CLK4: variants seen among roughly 807,000 people sequenced by gnomAD.
CLK4 encodes CDC like kinase 4.
Under a neutral mutation model 64.4 loss-of-function variants are expected in CLK4, and 37 were observed. The ratio of observed to expected loss-of-function variants is 0.57; its 90% CI spans 0.44 to 0.76. The LOEUF is 0.76. Ranked by LOEUF, CLK4 falls within the 30% of genes least tolerant of loss-of-function variation. CLK4 has a pLI of 0.00. For synonymous variants in CLK4, 175 were observed against 191.6 expected, an observed-to-expected ratio of 0.91 and a Z score of 0.72; for missense variants, 457 against 605.1, an observed-to-expected ratio of 0.76 and a Z score of 2.57.
intron 1 of CLK4, among the ~76,000 whole-genome samples, chr5:178,625,116 A>C (rs1429805711): frequency 1.3e-5 from 2 of 152,212 alleles, no homozygotes; most frequent in Non-Finnish European, 2.9e-5. Context: ...ACGTGACATG[A>C]ATAACAGCAC....
chr5:178,608,414 T>A lies in CLK4; in HGVS notation c.1096A>T (p.Ile366Phe), dbSNP rs755544143. ...AAACCAAGGTAATATTCAATAAGAA[T>A]GCAACCTATGCTCCAAACATCACAA... ...QPCDVWSIGC[I>F]LIEYYLGFTV... Residue 366 changes from isoleucine to phenylalanine, a missense_variant, in exon 10 of 13, where the codon ATT becomes TTT. By Grantham distance (21) the Ile-to-Phe change is conservative. Transcript: ENST00000316308. 6.2e-7 allele frequency: 1 copy of A among 1,610,936 alleles called. No homozygotes were observed. Among genetic ancestry groups the A allele is most frequent in the South Asian group, 1.1e-5 (1 of 90,226 alleles).
chr5:178,608,429 A>C lies in CLK4; in HGVS notation c.1081T>G (p.Trp361Gly), dbSNP rs1487846607. 6.2e-7 allele frequency: 1 copy of C among 1,610,892 alleles called. No homozygotes were observed. The highest frequency in any genetic ancestry group is 1.7e-5 in the Admixed American group (1 of 59,170). Residue 361 changes from tryptophan to glycine, a missense_variant, in exon 10 of 13, where the codon TGG becomes GGG. Transcript: ENST00000316308. ...TCAATAAGAATGCAACCTATGCTCC[A>C]AACATCACAAGGCTGAGACCAACCT... The part of the protein sequence containing the change: ...ALGWSQPCDV[W>G]SIGCILIEYY...
chr5:178,618,531 A>G (rs770851819), intron 3 of CLK4, 25 bp downstream of exon 3: 1 of 1,568,964 alleles, frequency 6.4e-7, no homozygotes, highest in Non-Finnish European at 8.7e-7. Context: ...AACTCCACTC[A>G]AATTGAAAAC....
intron 2 of CLK4, chr5:178,622,908 T>C: frequency 4.0e-6 from 1 of 252,838 alleles, no homozygotes. Flanking sequence ...AAGTTAAAGG[T>C]ACTCATTGGG....
At chr5:178,611,147 CACT>C (rs1370546869) in intron 9 of CLK4, among the ~76,000 whole-genome samples, 1 of 151,924 alleles carries the variant, frequency 6.6e-6, no homozygotes, top group Non-Finnish European at 1.5e-5. Context: ...TACGATGCAC[CACT>C]GTTTGATATA....
chr5:178,605,490 T>C, intron 10 of CLK4, 108 bp from the exon 11 acceptor site: 1 of 576,626 alleles, frequency 1.7e-6, no homozygotes, highest in East Asian at 3.3e-5. Flanking sequence ...CTTCTTACAC[T>C]GTTTAAAGAA....
chr5:178,612,359 T>G, intron 9 of CLK4, 57 bp downstream of exon 9: 1 of 1,506,518 alleles, frequency 6.6e-7, no homozygotes, highest in Non-Finnish European at 9.0e-7. Flanking sequence ...AGTAAAGCTG[T>G]AAAGAACAAA....
chr5:178,625,578 G>A (rs1463331396), intron 1 of CLK4, among the ~76,000 whole-genome samples: 2 of 152,080 alleles, frequency 1.3e-5, no homozygotes, highest in Non-Finnish European at 2.9e-5. Flanking sequence ...TCTGATGACC[G>A]AGCGTTATTA....
At chr5:178,608,326 AC>A (rs767084699) in intron 10 of CLK4, 49 bp downstream of exon 10, 6 of 1,331,484 alleles carry the variant, frequency 4.5e-6, no homozygotes, top group African/African-American at 3.0e-5. Context: ...CATACCTTTA[AC>A]GTTTACAATT....
At chr5:178,609,731 T>G (rs977243545) in intron 9 of CLK4, among the ~76,000 whole-genome samples, 2 of 98,468 alleles carry the variant, frequency 2.0e-5, no homozygotes, top group Non-Finnish European at 4.0e-5. Flanking sequence ...ATAAAAATTT[T>G]AAAATATATA....
Position 178,617,446 on chromosome 5 carries a change from A to G in CLK4, c.385-12T>C. On this transcript the variant is annotated splice_polypyrimidine_tract_variant and intron_variant, in intron 3 of 12. Coordinates refer to ENST00000316308, the MANE Select transcript of CLK4 (RefSeq NM_020666.3). This position sits in a 1 kb window ranked among gnomAD's most constrained non-coding sequence, Gnocchi z 5.2. ...CTTCGGTGGCTCTTCTGGAACGGCA[A>G]GTGGGCAGCACCAAGATCGTCCAGC... is the stretch of plus-strand genomic sequence containing the variant. The G allele has an allele frequency of 1.2e-6, 2 of 1,604,092 alleles. No homozygotes were observed. Among genetic ancestry groups the G allele is most frequent in the South Asian group, 1.1e-5 (1 of 90,828 alleles).
At chr5:178,616,062 CCT>C (rs1182878581) in intron 5 of CLK4, among the ~76,000 whole-genome samples, 4 of 152,112 alleles carry the variant, frequency 2.6e-5, no homozygotes, top group African/African-American at 4.8e-5. Context: ...ATGATTTCCC[CCT>C]GTTGAAATTT....
At chr5:178,618,528 C>T (rs1334354485) in intron 3 of CLK4, 28 bp downstream of exon 3, 2 of 1,555,832 alleles carry the variant, frequency 1.3e-6, no homozygotes, top group African/African-American at 2.7e-5. Flanking sequence ...TAAAACTCCA[C>T]TCAAATTGAA....
chr5:178,612,514 T>A lies in CLK4; in HGVS notation c.953A>T (p.Asp318Val), dbSNP rs768034214. 1.9e-5 allele frequency: 30 copies of A among 1,613,982 alleles called. No homozygotes were observed. The highest frequency in any genetic ancestry group is 2.5e-5 in the Non-Finnish European group (29 of 1,179,974). Residue 318 changes from aspartate to valine, a missense_variant, in exon 9 of 13, where the codon GAT (aspartate) becomes GTT (valine). Physicochemically the swap from Asp to Val is radical, Grantham distance 152. Coordinates refer to ENST00000316308, the MANE Select transcript of CLK4 (RefSeq NM_020666.3). Reference sequence around the variant, plus strand: ...ACTTCCAAAGTCAACAACTTTGATATCTGTGTTTTTCAGTGTGCGTTCATC... The same window carrying A: ...ACTTCCAAAGTCAACAACTTTGATAACTGTGTTTTTCAGTGTGCGTTCATC... ...KRDERTLKNT[D>V]IKVVDFGSAT...
Position 178,616,879 on chromosome 5 carries a change from T to A in CLK4, c.542+3A>T. Reference sequence around the variant, plus strand: ...ATGTTTGAAAAGGAAAAAACAAACTTACATGCCATGATCAATGCACTCTAC... The same window carrying A: ...ATGTTTGAAAAGGAAAAAACAAACTAACATGCCATGATCAATGCACTCTAC... On this transcript the variant is annotated splice_donor_region_variant and intron_variant, in intron 5 of 12. Coordinates refer to ENST00000316308, the MANE Select transcript of CLK4 (RefSeq NM_020666.3). 6.2e-7 allele frequency: 1 copy of A among 1,608,674 alleles called. No homozygotes were observed. Among genetic ancestry groups the A allele is most frequent in the South Asian group, 1.1e-5 (1 of 90,750 alleles).
intron 2 of CLK4, among the ~76,000 whole-genome samples, chr5:178,621,528 T>C (rs1245879190): frequency 2.0e-5 from 3 of 152,288 alleles, no homozygotes; most frequent in Non-Finnish European, 2.9e-5. Context: ...AAAAATACTT[T>C]AATAAATAGG....
chr5:178,626,347 T>C (rs1764779303), intron 1 of CLK4, among the ~76,000 whole-genome samples: 1 of 152,098 alleles, frequency 6.6e-6, no homozygotes, highest in Non-Finnish European at 1.5e-5. Context: ...GCAACAATGT[T>C]GTGTTCAGCA....
chr5:178,622,317 T>C (rs986802031), intron 2 of CLK4: 4 of 505,240 alleles, frequency 7.9e-6, no homozygotes, highest in African/African-American at 4.1e-5. Context: ...TGAAGCATGA[T>C]TTGTCTGCAC....
In CLK4 at chr5:178,619,808, A is replaced by G. The variant is rs530892745; in HGVS notation, c.162-1030T>C. 67 of 1,289,496 alleles carry G rather than the reference A, an allele frequency of 5.2e-5. No individual in the cohort carries two copies. The African/African-American group carries it at 9.2e-4, about 18-fold the overall frequency. 79.9% of individuals were successfully genotyped at this position (1,289,496 alleles called of 1,614,324 possible). On this transcript the variant is annotated intron_variant, in intron 2 of 12. Coordinates refer to ENST00000316308, the MANE Select transcript of CLK4 (RefSeq NM_020666.3). ...ATGGAAAGAAAAGGACATAGATTCA[A>G]TTGGCCCAGTTTCCCGTCCCCCTCT...
Sources: allele counts gnomAD v4.1 joint callset (sites outside exome capture counted in the v4.1 genomes callset), GRCh38; gene constraint gnomAD v4.1.1; non-coding constraint Gnocchi (gnomAD v3.1); transcripts MANE v1.5; gene names NCBI Gene and HGNC (gene_info 2026-07-23, HGNC 2026-07-21).